Variants in BLK observed in about 807,000 individuals in gnomAD.
BLK encodes the protein BLK proto-oncogene, Src family tyrosine kinase.
In BLK, 64 loss-of-function variants were observed where a neutral mutation model predicts 61.8. That is an observed-to-expected ratio of 1.03 (90% CI 0.85 to 1.27). The LOEUF (loss-of-function observed/expected upper bound fraction) is 1.27. BLK is among the 50% of genes most tolerant of loss of function. The pLI is 0.00. For synonymous variants in BLK, 351 were observed against 272.0 expected, an observed-to-expected ratio of 1.29 and a Z score of -2.86; for missense variants, 853 against 660.5, an observed-to-expected ratio of 1.29 and a Z score of -3.19.
chr8:11,549,425 T>A (rs1185189855), intron 5 of BLK, among the ~76,000 whole-genome samples: 1 of 152,198 alleles, frequency 6.6e-6, no homozygotes, highest in Non-Finnish European at 1.5e-5. Flanking sequence ...AGGGAGGCAC[T>A]ATGACCAGCA....
chr8:11,518,288 T>C (rs1412467469), intron 1 of BLK, among the ~76,000 whole-genome samples: 6 of 152,196 alleles, frequency 3.9e-5, no homozygotes, highest in African/African-American at 1.4e-4. Context: ...TGCATCCTGT[T>C]AGAGCTTAGG....
At chr8:11,547,948 C>T in intron 3 of BLK, 84 bp from the exon 4 acceptor site, 2 of 1,153,054 alleles carry the variant, frequency 1.7e-6, no homozygotes, top group Non-Finnish European at 2.6e-6. Flanking sequence ...AGAAGCCTGT[C>T]CTCCTTGGTA....
At chr8:11,499,231 A>C (rs1353120872) in intron 1 of BLK, among the ~76,000 whole-genome samples, 1 of 152,254 alleles carries the variant, frequency 6.6e-6, no homozygotes, top group Non-Finnish European at 1.5e-5. Flanking sequence ...GTACAGTCGC[A>C]GGCTGTGTAG....
intron 10 of BLK, among the ~76,000 whole-genome samples, chr8:11,559,514 CACACAA>C (rs34406622): frequency 0.037 from 5,650 of 151,416 alleles, 353 homozygotes; most frequent in African/African-American, 0.13. Context: ...CAAACTCACA[CACACAA>C]ACACACACAC....
At position 11,563,029 on chromosome 8, in the gene BLK, G is replaced by T; in HGVS notation, c.1231G>T (p.Val411Phe). Residue 411 changes from valine to phenylalanine, a missense_variant, in exon 12 of 13, where the codon GTC becomes TTC. Val to Phe is a conservative substitution (Grantham distance 50). Transcript: ENST00000259089. ...AGCCCCGGAAGCCATCCACTTCGGG[G>T]TCTTCACCATCAAAGCAGACGTGTG... is the stretch of plus-strand genomic sequence containing the variant. ...WTAPEAIHFG[V>F]FTIKADVWSF... The T allele has an allele frequency of 2.5e-6, 4 of 1,614,184 alleles. No homozygotes were observed. The highest frequency in any genetic ancestry group is 3.4e-6 in the Non-Finnish European group (4 of 1,180,038).
chr8:11,544,925 T>C (rs1289525714), intron 2 of BLK, among the ~76,000 whole-genome samples: 1 of 152,198 alleles, frequency 6.6e-6, no homozygotes, highest in African/African-American at 2.4e-5. Flanking sequence ...ACTCGTTCCT[T>C]TGAATCTCCC....
intron 1 of BLK, among the ~76,000 whole-genome samples, chr8:11,537,261 G>T (rs1338058049): frequency 6.6e-6 from 1 of 152,150 alleles, no homozygotes; most frequent in African/African-American, 2.4e-5. Context: ...TTGGTGGTTT[G>T]TACTGGGAGA....
rs2117541746 is a variant in BLK, at chr8:11,554,812, G to C, written c.542G>C (p.Cys181Ser). ...CTGATCAAGCACTATAAGATCCGCTGCCTGGATGAAGGGGGCTACTACATC... is the reference window on the plus strand; with the variant it reads ...CTGATCAAGCACTATAAGATCCGCTCCCTGGATGAAGGGGGCTACTACATC... ...GELIKHYKIRCLDEGGYYISP... is the reference protein window; with the variant it reads ...GELIKHYKIRSLDEGGYYISP... The change falls in exon 7 of 13, where the codon TGC becomes TCC. Residue 181 changes from cysteine to serine, a missense_variant. Coordinates refer to ENST00000259089, the MANE Select transcript of BLK (RefSeq NM_001715.3). 4 of 1,614,114 alleles carry C rather than the reference G, an allele frequency of 2.5e-6. 1 individual carries two copies. The South Asian group carries it at 4.4e-5, about 18-fold the overall frequency.
chr8:11,513,746 T>G (rs1799114127), intron 1 of BLK, among the ~76,000 whole-genome samples: 1 of 152,030 alleles, frequency 6.6e-6, no homozygotes, highest in Admixed American at 6.5e-5. Context: ...AGTTATAGAG[T>G]GGTGCTCAGA....
intron 1 of BLK, among the ~76,000 whole-genome samples, chr8:11,513,655 G>T (rs936033025): frequency 6.6e-6 from 1 of 152,190 alleles, no homozygotes; most frequent in African/African-American, 2.4e-5. Context: ...TTGCACCTTG[G>T]GCTGCAAAAT....
At chr8:11,515,235 A>G (rs893978268) in intron 1 of BLK, among the ~76,000 whole-genome samples, 2 of 152,170 alleles carry the variant, frequency 1.3e-5, no homozygotes, top group Non-Finnish European at 2.9e-5. Flanking sequence ...TCCTGGAAGT[A>G]CAGGCGGTCT....
rs201773810 is a variant in BLK at position 11,554,697 on chromosome 8, T to G, written c.473-46T>G. On this transcript the variant is annotated intron_variant, in intron 6 of 12. Transcript: ENST00000259089. The stretch of plus-strand genomic sequence containing the variant: ...AGGCCCAAATCCCAGTCCCGTTTTT[T>G]GTCTTTGTGCCTTACTTCTCGTGTG... 57 of 1,607,450 alleles carry G rather than the reference T, an allele frequency of 3.5e-5. No individual in the cohort carries two copies. In the African/African-American group the frequency reaches 6.8e-4, roughly 19 times the overall value.
chr8:11,503,630 A>T (rs1255301927), intron 1 of BLK, among the ~76,000 whole-genome samples: 1 of 152,060 alleles, frequency 6.6e-6, no homozygotes, highest in African/African-American at 2.4e-5. Context: ...GTGCTGTCTG[A>T]AGTAAGCAAG....
chr8:11,535,314 A>AAGAAAG (rs1163841532), intron 1 of BLK, among the ~76,000 whole-genome samples: 1 of 136,156 alleles, frequency 7.3e-6, no homozygotes, highest in Non-Finnish European at 1.7e-5. Flanking sequence ...GAAAGAAAGA[A>AAGAAAG]AGAAAGAAAG....
chr8:11,531,374 A>G (rs887300593), intron 1 of BLK, among the ~76,000 whole-genome samples: 5 of 152,122 alleles, frequency 3.3e-5, no homozygotes, highest in African/African-American at 1.2e-4. Context: ...GGAATAATCT[A>G]TTCTAAGGGA....
At chr8:11,514,594 C>T (rs571786187) in intron 1 of BLK, among the ~76,000 whole-genome samples, 1 of 152,314 alleles carries the variant, frequency 6.6e-6, no homozygotes, top group South Asian at 2.1e-4. Flanking sequence ...CCAGCCGAAG[C>T]TGCCACTGTG....
At chr8:11,500,960 G>T (rs889433230) in intron 1 of BLK, among the ~76,000 whole-genome samples, 3 of 152,036 alleles carry the variant, frequency 2.0e-5, no homozygotes, top group Admixed American at 2.0e-4. Context: ...TGTAATCCCA[G>T]CACTTTGGGA....
rs1180595828 is a variant in BLK, at chr8:11,549,101, T to G, written c.347T>G (p.Val116Gly). 6.2e-7 allele frequency: 1 copy of G among 1,608,058 alleles called. No homozygotes were observed. The highest frequency in any genetic ancestry group is 8.5e-7 in the Non-Finnish European group (1 of 1,177,488). ...GTGCCCAGTAACTTTGTGGCCCGAG[T>G]GGAGAGCCTGGAAATGGAAAGGTAG... ...GYVPSNFVAR[V>G]ESLEMERWFF... Residue 116 changes from valine (V) to glycine (G), a missense_variant, in exon 5 of 13, where the codon GTG (valine) becomes GGG (glycine). By Grantham distance (109) the Val-to-Gly change is moderately radical. Coordinates refer to ENST00000259089, the MANE Select transcript of BLK (RefSeq NM_001715.3).
intron 1 of BLK, among the ~76,000 whole-genome samples, chr8:11,518,905 T>C (rs553484134): frequency 6.6e-4 from 100 of 152,290 alleles, no homozygotes; most frequent in African/African-American, 2.4e-3. Flanking sequence ...AAGCCTCTCC[T>C]TGCCACTGAA....
Sources: allele counts gnomAD v4.1 joint callset (sites outside exome capture counted in the v4.1 genomes callset), GRCh38; gene constraint gnomAD v4.1.1; transcripts MANE v1.5; gene names NCBI Gene and HGNC (gene_info 2026-07-23, HGNC 2026-07-21).